Variants in STRN4 observed in about 807,000 individuals in gnomAD.
The protein encoded by STRN4 is striatin-4.
In STRN4, 27 loss-of-function variants were observed where a neutral mutation model predicts 77.9. The ratio of observed to expected loss-of-function variants is 0.35; its 90% CI spans 0.26 to 0.48. The LOEUF is 0.48. STRN4 is among the 20% of genes least tolerant of loss of function. The probability of loss-of-function intolerance (pLI) is 0.99; values close to 1 mark genes in which losing one functional copy is unlikely to be tolerated. For missense variants in STRN4, 798 were observed against 1,049.7 expected (o/e 0.76, Z 3.31); for synonymous variants, 466 against 443.1 (o/e 1.05, Z -0.65).
intron 3 of STRN4, among the ~76,000 whole-genome samples, chr19:46,737,726 G>A (rs1245529167): frequency 1.3e-5 from 2 of 152,150 alleles, no homozygotes; most frequent in Non-Finnish European, 2.9e-5. Context: ...TGTCTCCCGT[G>A]CTCTCTGCTG....
At position 46,738,847 on chromosome 19, in the gene STRN4, C is replaced by A. The variant is rs371511207; in HGVS notation, c.324G>T (p.Glu108Asp). ...GCCGCACCAGGTCCGTCTTTAGATT[C>A]TCCTGCCCTTTCCTCTCTCCCTGAA... ...AFLQGERKGQ[E>D]NLKTDLVRRI... Residue 108 changes from glutamate to aspartate, a missense_variant, in exon 2 of 18, where the codon GAG becomes GAT. Around this residue, in one of 2 missense-constraint regions of STRN4, gnomAD observed 511 missense variants for 575.9 expected, o/e 0.89. Coordinates refer to ENST00000263280, the MANE Select transcript of STRN4 (RefSeq NM_013403.3). This position sits in a 1 kb window ranked among gnomAD's most constrained non-coding sequence, Gnocchi z 4.5. The A allele has an allele frequency of 8.7e-6, 14 of 1,614,192 alleles. No homozygotes were observed. Among genetic ancestry groups the A allele is most frequent in the Middle Eastern group, 1.6e-4 (1 of 6,062 alleles).
At chr19:46,735,326 A>T (rs569301796) in intron 4 of STRN4, among the ~76,000 whole-genome samples, 100 of 152,144 alleles carry the variant, frequency 6.6e-4, no homozygotes, top group African/African-American at 2.1e-3. Flanking sequence ...AAAATAAATA[A>T]ATAAATAAGT....
At chr19:46,743,788 A>G (rs2054517097) in intron 1 of STRN4, among the ~76,000 whole-genome samples, 1 of 152,108 alleles carries the variant, frequency 6.6e-6, no homozygotes, top group African/African-American at 2.4e-5. Context: ...CTGTAATCCC[A>G]GCTACTTGCG....
intron 7 of STRN4, 134 bp downstream of exon 7, chr19:46,728,484 G>A: frequency 8.0e-7 from 1 of 1,252,530 alleles, no homozygotes; most frequent in Non-Finnish European, 1.1e-6. Context: ...GCTCTCCTTG[G>A]CTACCCTCCT....
At position 46,727,948 on chromosome 19, in the gene STRN4, G is replaced by A. The variant is rs201398357; in HGVS notation, c.1099C>T (p.Pro367Ser). Residue 367 changes from proline (P) to serine (S), a missense_variant, in exon 8 of 18, where the codon CCC (proline) becomes TCC (serine). Physicochemically the swap from Pro to Ser is moderately conservative, Grantham distance 74. Coordinates refer to ENST00000263280, the MANE Select transcript of STRN4 (RefSeq NM_013403.3). The stretch of plus-strand genomic sequence containing the variant: ...GGAGGCGGGCCAGTCACTTTTGGGG[G>A]CAGCCCATCCACATCCCGCAGGTCA... Reference protein sequence around the residue: ...LADLRDVDGLPPKVTGPPPGT... With the variant: ...LADLRDVDGLSPKVTGPPPGT... 3.3e-5 allele frequency: 53 copies of A among 1,613,528 alleles called. 1 individual carries two copies. The Admixed American group carries it at 4.0e-4, about 12-fold the overall frequency.
In STRN4 at chr19:46,738,706, G is replaced by T; in HGVS notation, c.386+79C>A. ...GACCCCAAATCTCCCTTAGCTGGAA[G>T]GAGGCGTGGCTGGTGGCCTCCTGAC... On this transcript the variant is annotated intron_variant, in intron 2 of 17. Transcript: ENST00000263280. This position sits in a 1 kb window ranked among gnomAD's most constrained non-coding sequence, Gnocchi z 4.5. The T allele has an allele frequency of 7.5e-7, 1 of 1,326,750 alleles. No homozygotes were observed. Among genetic ancestry groups the T allele is most frequent in the Non-Finnish European group, 1.1e-6 (1 of 921,290 alleles). 82.2% of individuals were successfully genotyped at this position (1,326,750 alleles called of 1,614,324 possible).
intron 9 of STRN4, 90 bp downstream of exon 9, chr19:46,727,362 G>A: frequency 9.1e-7 from 1 of 1,101,326 alleles, no homozygotes; most frequent in Non-Finnish European, 1.3e-6. Context: ...GGATGAGCAG[G>A]GCACGGGCGG....
At position 46,738,010 on chromosome 19, in the gene STRN4, C is replaced by T. The variant is rs1016396701; in HGVS notation, c.460+154G>A. ...GGGACCTGGCAGCCCATAGGGAGGG[C>T]TCTGAGAGTGAGATTCCGCCCCTCC... is the stretch of plus-strand genomic sequence containing the variant. On this transcript the variant is annotated intron_variant, in intron 3 of 17. Transcript: ENST00000263280. This position sits in a 1 kb window ranked among gnomAD's most constrained non-coding sequence, Gnocchi z 4.5. Among the ~76,000 whole-genome samples, 4 of 152,084 alleles carry T rather than the reference C, an allele frequency of 2.6e-5. No individual in the cohort carries two copies. The highest frequency in any genetic ancestry group is 9.7e-5 in the African/African-American group (4 of 41,422).
At chr19:46,730,267 G>C (rs1053848766) in intron 6 of STRN4, among the ~76,000 whole-genome samples, 2 of 152,162 alleles carry the variant, frequency 1.3e-5, no homozygotes, top group Non-Finnish European at 2.9e-5. Flanking sequence ...TGCAGTGGAG[G>C]CCCACACAGG....
Position 46,723,674 on chromosome 19 carries a change from C to G in STRN4, c.1595-390G>C, listed in dbSNP as rs911173392. Among the ~76,000 whole-genome samples, 2 of 152,160 alleles carry G rather than the reference C, an allele frequency of 1.3e-5. No individual in the cohort carries two copies. Among genetic ancestry groups the G allele is most frequent in the Non-Finnish European group, 2.9e-5 (2 of 68,028 alleles). ...ACAAGGGTTGGTCCCAACCCTGGCC[C>G]GAGCAGTCTTTTCAGCCCATGGCCA... On this transcript the variant is annotated intron_variant, in intron 12 of 17. Coordinates refer to ENST00000263280, the MANE Select transcript of STRN4 (RefSeq NM_013403.3). The surrounding 1 kb of genome is among the most constrained non-coding windows in gnomAD (Gnocchi z 5.5).
In STRN4 at chr19:46,720,577, C is replaced by T. The variant is rs775765621; in HGVS notation, c.*25G>A. On this transcript the variant is annotated 3_prime_UTR_variant, in exon 17 of 18. Coordinates refer to ENST00000263280, the MANE Select transcript of STRN4 (RefSeq NM_013403.3). ...CGGCCCTACACCCCAGCCAGCGTGG[C>T]GGCCAGGGCAGGGCCAGGTGGGCAT... 5 of 1,525,390 alleles carry T rather than the reference C, an allele frequency of 3.3e-6. No homozygotes were observed. Among genetic ancestry groups the T allele is most frequent in the Non-Finnish European group, 4.4e-6 (5 of 1,132,530 alleles). 94.5% of individuals were successfully genotyped at this position (1,525,390 alleles called of 1,614,324 possible).
Position 46,741,013 on chromosome 19 carries a change from G to C in STRN4, c.283-2125C>G, listed in dbSNP as rs1193152720. 6.6e-6 allele frequency among the ~76,000 whole-genome samples: 1 copy of C among 152,182 alleles called. No homozygotes were observed. Among genetic ancestry groups the C allele is most frequent in the East Asian group, 1.9e-4 (1 of 5,194 alleles). On this transcript the variant is annotated intron_variant, in intron 1 of 17. Coordinates refer to ENST00000263280, the MANE Select transcript of STRN4 (RefSeq NM_013403.3). The surrounding 1 kb of genome is among the most constrained non-coding windows in gnomAD (Gnocchi z 4.9). The stretch of plus-strand genomic sequence containing the variant: ...GATGGCTGCTTCAGAACCTGTAAAA[G>C]GCTCAGTGAAGCCATGGAAGGGTTT...
Position 46,723,091 on chromosome 19 carries a change from GAGGCACCGGGGCCCCC to G in STRN4, c.1765+7_1765+22del. 6.4e-7 allele frequency: 1 copy of G among 1,559,152 alleles called. No homozygotes were observed. Among genetic ancestry groups the G allele is most frequent in the Non-Finnish European group, 8.7e-7 (1 of 1,151,948 alleles). On this transcript the variant is annotated splice_region_variant and intron_variant, in intron 13 of 17. Transcript: ENST00000263280. This position sits in a 1 kb window ranked among gnomAD's most constrained non-coding sequence, Gnocchi z 5.5. ...TCCAGATCCCGCACAGCTCCAGGGTGAGGCACCGGGGCCCCCACTCACCGCTGGCTGTGGGGAAGGT... is the reference window on the plus strand; with the variant it reads ...TCCAGATCCCGCACAGCTCCAGGGTGACTCACCGCTGGCTGTGGGGAAGGT...
At chr19:46,745,222 C>T (rs1194070752) in intron 1 of STRN4, among the ~76,000 whole-genome samples, 4 of 152,064 alleles carry the variant, frequency 2.6e-5, no homozygotes, top group African/African-American at 9.7e-5. Flanking sequence ...CTACCTACAT[C>T]CTACAACACA....
At chr19:46,728,083 A>C (rs1332444537) in intron 7 of STRN4, 76 bp from the exon 8 acceptor site, 18 of 1,312,146 alleles carry the variant, frequency 1.4e-5, no homozygotes, top group Non-Finnish European at 1.8e-5. Context: ...CCTTCCCCAC[A>C]CTGAGGGCCC....
Position 46,720,347 on chromosome 19 carries a change from A to C in STRN4, c.*67-9T>G. The C allele has an allele frequency of 8.2e-6, 3 of 365,552 alleles. No homozygotes were observed. Among genetic ancestry groups the C allele is most frequent in the Non-Finnish European group, 1.5e-5 (3 of 205,898 alleles). 22.6% of individuals were successfully genotyped at this position (365,552 alleles called of 1,614,324 possible). On this transcript the variant is annotated splice_polypyrimidine_tract_variant and intron_variant, in intron 17 of 17. Transcript: ENST00000263280. ...GCGAGGCTGGGAGTCCCCTGCGGGA[A>C]AGAGAAGGGAGGGGAGACTGAGCCG...
At chr19:46,726,611 G>A (rs899570646) in intron 9 of STRN4, among the ~76,000 whole-genome samples, 3 of 152,176 alleles carry the variant, frequency 2.0e-5, no homozygotes, top group Admixed American at 6.5e-5. Context: ...GGAGAGCTGT[G>A]GGGGCCTCTG....
At chr19:46,724,529 A>T (rs1257873118) in intron 12 of STRN4, among the ~76,000 whole-genome samples, 1 of 152,236 alleles carries the variant, frequency 6.6e-6, no homozygotes, top group Non-Finnish European at 1.5e-5. Context: ...GGCTGCTCCC[A>T]GCCTGGGCTG....
intron 14 of STRN4, among the ~76,000 whole-genome samples, 179 bp downstream of exon 14, chr19:46,722,631 G>C (rs561703988): frequency 6.6e-6 from 1 of 152,338 alleles, no homozygotes; most frequent in Non-Finnish European, 1.5e-5. Context: ...AGCCCCGCCA[G>C]TGCCCTGGCT....
Sources: gnomAD v4.1 joint callset for allele counts (sites outside exome capture counted in the v4.1 genomes callset) on GRCh38, gnomAD v4.1.1 for gene constraint, gnomAD v4.1.1 regional missense constraint, Gnocchi (gnomAD v3.1) non-coding constraint, MANE v1.5 for transcripts, NCBI Gene and HGNC (gene_info 2026-07-23, HGNC 2026-07-21) for gene names.